The following AK2 variants were observed in gnomAD, a reference collection of about 807,000 sequenced individuals.
The protein encoded by AK2 is adenylate kinase 2, also known as adenylate kinase 2, mitochondrial.
A neutral mutation model predicts 24.6 loss-of-function variants in AK2; 15 were observed. The observed-to-expected ratio is 0.61, with a 90% CI of 0.41 to 0.94. The LOEUF (loss-of-function observed/expected upper bound fraction) is 0.94, where lower values mean the gene tolerates loss of function less well. Among genes scored for constraint, AK2 ranks in the 40% least tolerant of loss-of-function variants. AK2 has a pLI of 0.00. For synonymous variants in AK2, 102 were observed against 114.0 expected, an observed-to-expected ratio of 0.90 and a Z score of 0.67; for missense variants, 257 against 304.1, an observed-to-expected ratio of 0.85 and a Z score of 1.15.
rs531421362 is a variant in AK2 at position 33,019,922 on chromosome 1, G to T, written c.425+1445C>A. 286 of 1,405,366 alleles carry T rather than the reference G, an allele frequency of 2.0e-4. No individual in the cohort carries two copies. The South Asian group carries it at 2.3e-3, about 11-fold the overall frequency. The allele number at this position is 1,405,366 out of a possible 1,614,324, so 87.1% of individuals were successfully genotyped here. A position where few individuals can be genotyped will look rare whatever the true frequency, so the allele number is the denominator to read the frequency against. On this transcript the variant is annotated intron_variant, in intron 4 of 5. Transcript: ENST00000672715. ...TGGTCATGGATGTCTGGTTCAAGATGGTTGGCTGACCACTTTCCTGAGACA... is the reference window on the plus strand; with the variant it reads ...TGGTCATGGATGTCTGGTTCAAGATTGTTGGCTGACCACTTTCCTGAGACA...
At chr1:33,031,424 A>G (rs747590272) in intron 1 of AK2, 2 of 356,572 alleles carry the variant, frequency 5.6e-6, no homozygotes, top group Non-Finnish European at 1.1e-5. Context: ...TTATAGGATT[A>G]AATCAGATGA....
intron 1 of AK2, among the ~76,000 whole-genome samples, chr1:33,033,503 T>TA (rs916476077): frequency 2.0e-5 from 3 of 152,162 alleles, no homozygotes; most frequent in Admixed American, 6.5e-5. Context: ...ACTTTGTCTG[T>TA]AAAAAAATAA....
chr1:33,012,434 A>C lies in AK2; in HGVS notation c.*747T>G. On this transcript the variant is annotated 3_prime_UTR_variant, in exon 6 of 6. Coordinates refer to ENST00000672715, the MANE Select transcript of AK2 (RefSeq NM_001625.4). ...AAACAAAATGGAATTCTCTGTCCAT[A>C]ATGTGCCATCAGGAACTGTGACCCT... 6.8e-7 allele frequency: 1 copy of C among 1,462,674 alleles called. No homozygotes were observed. Among genetic ancestry groups the C allele is most frequent in the Non-Finnish European group, 9.1e-7 (1 of 1,102,666 alleles). 90.6% of individuals were successfully genotyped at this position (1,462,674 alleles called of 1,614,324 possible). A position where few individuals can be genotyped will look rare whatever the true frequency, so the allele number is the denominator to read the frequency against.
intron 5 of AK2, 171 bp downstream of exon 5, chr1:33,014,351 C>T: frequency 1.7e-6 from 1 of 598,336 alleles, no homozygotes; most frequent in Non-Finnish European, 3.1e-6. Context: ...TGAGGAGACA[C>T]TGAATAGATC....
chr1:33,008,413 T>C lies in AK2; in HGVS notation c.*4768A>G. 2.2e-6 allele frequency: 1 copy of C among 454,084 alleles called. No individual in the cohort carries two copies. Among genetic ancestry groups the C allele is most frequent in the South Asian group, 1.6e-5 (1 of 64,482 alleles). 28.1% of individuals were successfully genotyped at this position (454,084 alleles called of 1,614,324 possible). On this transcript the variant is annotated 3_prime_UTR_variant, in exon 6 of 6. Transcript: ENST00000672715. The stretch of plus-strand genomic sequence containing the variant: ...TCCTGCTGTGTTCTGTCAGTGACAC[T>C]TTGTGCACACAGGAGATCCTAAGAC...
chr1:33,020,975 C>T (rs1639508084), intron 4 of AK2, among the ~76,000 whole-genome samples: 2 of 152,052 alleles, frequency 1.3e-5, no homozygotes, highest in African/African-American at 2.4e-5. Flanking sequence ...GAAACTCCAT[C>T]TCTACTAAAA....
At position 33,013,371 on chromosome 1, in the gene AK2, T is replaced by C. The variant is rs1638970615; in HGVS notation, c.530A>G (p.Asp177Gly). Residue 177 changes from aspartate (D) to glycine (G), a missense_variant, in exon 6 of 6, where the codon GAT becomes GGT. Coordinates refer to ENST00000672715, the MANE Select transcript of AK2 (RefSeq NM_001625.4). Reference protein sequence around the residue: ...ITGEPLIRRSDDNEKALKIRL... With the variant: ...ITGEPLIRRSGDNEKALKIRL... ...GATTTTCAAGGCCTTTTCATTATCA[T>C]CTGATCGACGGATCAAGGGTTCCCC... 1 of 1,614,204 alleles carries C rather than the reference T, an allele frequency of 6.2e-7. No homozygotes were observed. Among genetic ancestry groups the C allele is most frequent in the Non-Finnish European group, 8.5e-7 (1 of 1,180,028 alleles).
chr1:33,024,251 T>C, intron 2 of AK2, 191 bp downstream of exon 2: 1 of 752,678 alleles, frequency 1.3e-6, no homozygotes, highest in Non-Finnish European at 2.2e-6. Flanking sequence ...CAGAATTTTG[T>C]TTGATGATGG....
chr1:33,029,780 G>A (rs1036621741), intron 1 of AK2, among the ~76,000 whole-genome samples: 2 of 152,178 alleles, frequency 1.3e-5, no homozygotes, highest in African/African-American at 4.8e-5. Flanking sequence ...CTGTGCCCAA[G>A]CAATCCTCCC....
At chr1:33,031,459 G>C in intron 1 of AK2, 2 of 382,064 alleles carry the variant, frequency 5.2e-6, no homozygotes, top group South Asian at 3.8e-5. Context: ...TTAGCTTGGG[G>C]GTCTGTCACG....
chr1:33,016,312 C>T (rs545594513), intron 4 of AK2, among the ~76,000 whole-genome samples: 20 of 152,220 alleles, frequency 1.3e-4, no homozygotes, highest in African/African-American at 3.4e-4. Flanking sequence ...CCTGGGTTCA[C>T]GCCATTCTCC....
rs1047259951 is a variant in AK2, at chr1:33,013,547, A to G, written c.499-145T>C. The stretch of plus-strand genomic sequence containing the variant: ...CATCAGAGACAAAGACAGGCAATCC[A>G]GACCCTCTCCAGTGAAGAACTTTGC... On this transcript the variant is annotated intron_variant, in intron 5 of 5. Coordinates refer to ENST00000672715, the MANE Select transcript of AK2 (RefSeq NM_001625.4). 2.6e-5 allele frequency: 37 copies of G among 1,450,918 alleles called. No homozygotes were observed. The African/African-American group carries it at 4.1e-4, about 16-fold the overall frequency. 89.9% of individuals were successfully genotyped at this position (1,450,918 alleles called of 1,614,324 possible).
chr1:33,032,632 T>C (rs1182621911), intron 1 of AK2, among the ~76,000 whole-genome samples: 3 of 152,148 alleles, frequency 2.0e-5, no homozygotes, highest in African/African-American at 7.2e-5. Flanking sequence ...CTGAACAGCA[T>C]GACTATAAAC....
chr1:33,021,279 G>C (rs116730792), intron 4 of AK2, 88 bp downstream of exon 4: 1 of 1,168,900 alleles, frequency 8.6e-7, no homozygotes, highest in Non-Finnish European at 1.3e-6. Context: ...ATGGCACTAA[G>C]CTTCATGGCC....
In AK2 at chr1:33,034,449, TACACACACACACACACACACAC is replaced by T. The variant is rs71833811; in HGVS notation, c.93+2265_93+2286del. 4.9e-5 allele frequency among the ~76,000 whole-genome samples: 7 copies of T among 141,986 alleles called. No homozygotes were observed. In the South Asian group the frequency reaches 1.4e-3, roughly 28 times the overall value. The allele number at this position is 141,986 out of a possible 152,430, so 93.1% of individuals were successfully genotyped here. ...TGTCATCTAGGTTGTGGGTGCTTGA[TACACACACACACACACACACAC>T]ACACACACACACACACATATATCAT... On this transcript the variant is annotated intron_variant, in intron 1 of 5. Coordinates refer to ENST00000672715, the MANE Select transcript of AK2 (RefSeq NM_001625.4).
Position 33,013,425 on chromosome 1 carries a change from G to A in AK2, c.499-23C>T, listed in dbSNP as rs1638978942. ...GATCTGAGAACAGGAAGACAGCAAT[G>A]AAAGGCTGGGACTGTTAGCAAGGTT... is the stretch of plus-strand genomic sequence containing the variant. On this transcript the variant is annotated intron_variant, in intron 5 of 5. Transcript: ENST00000672715. The A allele has an allele frequency of 2.5e-6, 4 of 1,606,474 alleles. No homozygotes were observed. In the East Asian group the frequency reaches 9.0e-5, roughly 36 times the overall value.
chr1:33,015,268 A>G (rs905906110), intron 4 of AK2, among the ~76,000 whole-genome samples: 6 of 152,242 alleles, frequency 3.9e-5, no homozygotes, highest in African/African-American at 1.2e-4. Flanking sequence ...ATCGGGAAAA[A>G]TGACTTATTA....
intron 1 of AK2, among the ~76,000 whole-genome samples, chr1:33,026,121 C>T (rs1203222038): frequency 1.3e-5 from 2 of 152,298 alleles, no homozygotes; most frequent in African/African-American, 2.4e-5. Context: ...TAGCTTTTTC[C>T]GTTCAATTGT....
Position 33,009,423 on chromosome 1 carries a change from T to A in AK2, c.*3758A>T. On this transcript the variant is annotated 3_prime_UTR_variant, in exon 6 of 6. Transcript: ENST00000672715. ...GGCTTAAGGATTAGAAGCACTGGCTTTCTAGACTATGGACAAGTGTCCATT... is the reference window on the plus strand; with the variant it reads ...GGCTTAAGGATTAGAAGCACTGGCTATCTAGACTATGGACAAGTGTCCATT... 2.2e-6 allele frequency: 1 copy of A among 454,076 alleles called. No homozygotes were observed. The highest frequency in any genetic ancestry group is 4.4e-6 in the Non-Finnish European group (1 of 226,768). The allele number at this position is 454,076 out of a possible 1,614,324, so 28.1% of individuals were successfully genotyped here.
Sources: allele counts gnomAD v4.1 joint callset (sites outside exome capture counted in the v4.1 genomes callset), GRCh38; gene constraint gnomAD v4.1.1; transcripts MANE v1.5; gene names NCBI Gene and HGNC (gene_info 2026-07-23, HGNC 2026-07-21).